Variants in NRG3 observed in about 807,000 individuals in gnomAD.
NRG3 encodes pro-neuregulin-3, membrane-bound isoform.
Under a neutral mutation model 66.9 loss-of-function variants are expected in NRG3, and 31 were observed. The ratio of observed to expected loss-of-function variants is 0.46; its 90% CI spans 0.35 to 0.63. The LOEUF (loss-of-function observed/expected upper bound fraction) is 0.63. Ranked by LOEUF, NRG3 falls within the 20% of genes least tolerant of loss-of-function variation. The pLI, the probability that NRG3 is intolerant of heterozygous loss-of-function variation, is 0.00. For synonymous variants in NRG3, 393 were observed against 359.4 expected (o/e 1.09, Z -1.06); for missense variants, 910 against 878.9 (o/e 1.04, Z -0.45).
intron 1 of NRG3, among the ~76,000 whole-genome samples, chr10:82,307,061 A>G (rs2080779497): frequency 1.3e-5 from 2 of 151,982 alleles, no homozygotes; most frequent in Non-Finnish European, 2.9e-5. Flanking sequence ...CTTTTTTTGA[A>G]GAATACTCTG....
At chr10:82,630,920 T>A (rs1328226514) in intron 2 of NRG3, among the ~76,000 whole-genome samples, 1 of 152,170 alleles carries the variant, frequency 6.6e-6, no homozygotes, top group Admixed American at 6.5e-5. Flanking sequence ...TCACAAAGAC[T>A]TTTTTTCTTT....
rs1187710896 is a variant in NRG3, at chr10:82,514,593, GTTTGTTTTTGTT to G, written c.953+155735_953+155746del. On this transcript the variant is annotated intron_variant, in intron 2 of 8. Transcript: ENST00000372141. Reference sequence around the variant, plus strand: ...TGCTGGTTTTTTTTGTTTGTTGTTTGTTTGTTTTTGTTTTTGTTTTTACAGTAGCCTTGTATA... The same window carrying G: ...TGCTGGTTTTTTTTGTTTGTTGTTTGTTTGTTTTTACAGTAGCCTTGTATA... Among the ~76,000 whole-genome samples the G allele has an allele frequency of 2.0e-5, 3 of 152,028 alleles. No homozygotes were observed. The South Asian group carries it at 6.2e-4, about 32-fold the overall frequency.
chr10:81,951,867 C>T (rs941932318), intron 1 of NRG3, among the ~76,000 whole-genome samples: 1 of 152,110 alleles, frequency 6.6e-6, no homozygotes, highest in Non-Finnish European at 1.5e-5. Context: ...GACTTGGAAC[C>T]AACCCAAATG....
chr10:82,352,186 C>T (rs2083476365), intron 1 of NRG3, among the ~76,000 whole-genome samples: 1 of 152,126 alleles, frequency 6.6e-6, no homozygotes, highest in African/African-American at 2.4e-5. Context: ...TACATATACC[C>T]ACATACATGC....
rs186653964 is a variant in NRG3, at chr10:82,121,807, T to A, written c.824-236932T>A. On this transcript the variant is annotated intron_variant, in intron 1 of 8. Transcript: ENST00000372141. ...TACAGGTACATGCCTGGCTATTTTT[T>A]AAATTTTTTTTATAGAGATGGTGTC... Among the ~76,000 whole-genome samples the A allele has an allele frequency of 6.2e-3, 942 of 152,088 alleles. 11 individuals carry two copies. Among genetic ancestry groups the A allele is most frequent in the African/African-American group, 0.02 (842 of 41,502 alleles).
intron 2 of NRG3, among the ~76,000 whole-genome samples, chr10:82,570,688 G>A (rs1196199828): frequency 2.0e-5 from 3 of 151,552 alleles, no homozygotes; most frequent in Non-Finnish European, 4.4e-5. Context: ...TTAAGATTGA[G>A]GGGAAATTTT....
chr10:82,697,484 G>A (rs1270708785), intron 2 of NRG3, among the ~76,000 whole-genome samples: 1 of 152,142 alleles, frequency 6.6e-6, no homozygotes, highest in African/African-American at 2.4e-5. Context: ...TTTCTTCTTA[G>A]AGAGGAGAGG....
chr10:82,358,654 A>G, intron 1 of NRG3, 85 bp from the exon 2 acceptor site: 1 of 1,587,828 alleles, frequency 6.3e-7, no homozygotes, highest in Non-Finnish European at 8.6e-7. Context: ...GAAGGCCTCC[A>G]TACAGAGATC....
chr10:82,503,058 A>G (rs1405205396), intron 2 of NRG3, among the ~76,000 whole-genome samples: 4 of 150,764 alleles, frequency 2.7e-5, no homozygotes, highest in Non-Finnish European at 5.9e-5. Flanking sequence ...CTCAATGGAA[A>G]TAACAGTTTC....
At chr10:82,508,675 T>C (rs1844894193) in intron 2 of NRG3, among the ~76,000 whole-genome samples, 1 of 152,216 alleles carries the variant, frequency 6.6e-6, no homozygotes, top group African/African-American at 2.4e-5. Flanking sequence ...TGACTTGAAT[T>C]CAAAGCATAG....
At chr10:82,398,526 T>TGTGTGTGAGAGAGA (rs373924370) in intron 2 of NRG3, among the ~76,000 whole-genome samples, 44 of 136,514 alleles carry the variant, frequency 3.2e-4, no homozygotes, top group Non-Finnish European at 6.1e-4. Context: ...TGTGTGTGTG[T>TGTGTGTGAGAGAGA]GAGAGAGAGA....
At chr10:82,841,887 A>G (rs142115386) in intron 3 of NRG3, among the ~76,000 whole-genome samples, 331 of 152,294 alleles carry the variant, frequency 2.2e-3, no homozygotes, top group African/African-American at 7.5e-3. Flanking sequence ...TTCTCTCATC[A>G]TGGCCAAATA....
chr10:82,282,794 C>G (rs1889895), intron 1 of NRG3, among the ~76,000 whole-genome samples: 1 of 151,964 alleles, frequency 6.6e-6, no homozygotes, highest in Non-Finnish European at 1.5e-5. Context: ...CTGTGGGATG[C>G]TTTTCCACTA....
At chr10:82,009,038 A>G (rs746270427) in intron 1 of NRG3, among the ~76,000 whole-genome samples, 14 of 152,170 alleles carry the variant, frequency 9.2e-5, no homozygotes, top group Non-Finnish European at 1.6e-4. Flanking sequence ...AAATTTAACT[A>G]CAGTTTCGTT....
At chr10:82,981,820 T>C (rs1589241528) in intron 8 of NRG3, among the ~76,000 whole-genome samples, 2 of 152,168 alleles carry the variant, frequency 1.3e-5, no homozygotes, top group African/African-American at 4.8e-5. Context: ...CAAGCTAATG[T>C]ATTCATATGC....
intron 2 of NRG3, among the ~76,000 whole-genome samples, chr10:82,379,232 C>G (rs1272444186): frequency 3.3e-5 from 5 of 152,172 alleles, no homozygotes; most frequent in Non-Finnish European, 7.3e-5. Context: ...CCCATTTCCA[C>G]TCTAACACCG....
intron 2 of NRG3, among the ~76,000 whole-genome samples, chr10:82,550,740 T>C (rs1293615807): frequency 2.0e-5 from 3 of 152,166 alleles, no homozygotes; most frequent in Non-Finnish European, 4.4e-5. Flanking sequence ...ATGGAAATAA[T>C]GAAGTGTTTC....
At chr10:82,452,924 C>T (rs182606597) in intron 2 of NRG3, among the ~76,000 whole-genome samples, 100 of 152,248 alleles carry the variant, frequency 6.6e-4, no homozygotes, top group Middle Eastern at 3.4e-3. Flanking sequence ...CTGTGGCCAA[C>T]AGTCAGTCAC....
chr10:81,928,480 A>G (rs1847027141), intron 1 of NRG3, among the ~76,000 whole-genome samples: 1 of 152,262 alleles, frequency 6.6e-6, no homozygotes, highest in Non-Finnish European at 1.5e-5. Flanking sequence ...TATTTGAAAT[A>G]GCTGTATAAA....
Sources: allele counts gnomAD v4.1 joint callset (sites outside exome capture counted in the v4.1 genomes callset), GRCh38; gene constraint gnomAD v4.1.1; transcripts MANE v1.5; gene names NCBI Gene and HGNC (gene_info 2026-07-23, HGNC 2026-07-21).